Variants in CDH13 observed in about 807,000 individuals in gnomAD.
The protein encoded by CDH13 is cadherin-13.
Under a neutral mutation model 63.8 loss-of-function variants are expected in CDH13, and 24 were observed. The ratio of observed to expected loss-of-function variants is 0.38; its 90% CI spans 0.27 to 0.53. CDH13 has a LOEUF of 0.53. Ranked by LOEUF, CDH13 falls within the 20% of genes least tolerant of loss-of-function variation. The probability of loss-of-function intolerance (pLI) is 0.85; values close to 1 mark genes in which losing one functional copy is unlikely to be tolerated. For missense variants in CDH13, 1,049 were observed against 903.1 expected (o/e 1.16, Z -2.07); for synonymous variants, 503 against 355.3 (o/e 1.42, Z -4.67).
At chr16:83,483,680 G>C (rs948198422) in intron 6 of CDH13, among the ~76,000 whole-genome samples, 2 of 152,132 alleles carry the variant, frequency 1.3e-5, no homozygotes, top group African/African-American at 4.8e-5. Context: ...TGGGGTTAAG[G>C]CCTCCTCCTA....
At chr16:83,458,427 C>A (rs909469978) in intron 6 of CDH13, among the ~76,000 whole-genome samples, 3 of 152,176 alleles carry the variant, frequency 2.0e-5, no homozygotes, top group African/African-American at 7.2e-5. Context: ...TGTGTGTAGT[C>A]CTCTTATATT....
At chr16:82,835,250 G>A (rs2038715986) in intron 1 of CDH13, among the ~76,000 whole-genome samples, 1 of 152,150 alleles carries the variant, frequency 6.6e-6, no homozygotes, top group Non-Finnish European at 1.5e-5. Flanking sequence ...GGTTTAACAG[G>A]CACATGTGAC....
At chr16:83,111,901 A>C (rs1253718454) in intron 3 of CDH13, among the ~76,000 whole-genome samples, 1 of 152,182 alleles carries the variant, frequency 6.6e-6, no homozygotes, top group African/African-American at 2.4e-5. Flanking sequence ...GTTTTCCTGG[A>C]TCTCATGCAT....
rs189855910 is a variant in CDH13, at chr16:83,524,599, C to A, written c.960+37944C>A. On this transcript the variant is annotated intron_variant, in intron 7 of 13. Coordinates refer to ENST00000567109, the MANE Select transcript of CDH13 (RefSeq NM_001257.5). The stretch of plus-strand genomic sequence containing the variant: ...TCCCAAGTAGCTGGGACTACAGGCA[C>A]CTGCCACCACACCCAGCTAATTTTT... 6.7e-3 allele frequency among the ~76,000 whole-genome samples: 1,019 copies of A among 151,908 alleles called. 9 individuals are homozygous for A. The highest frequency in any genetic ancestry group is 0.017 in the South Asian group (82 of 4,804).
chr16:83,170,882 C>G (rs927419991), intron 4 of CDH13, among the ~76,000 whole-genome samples: 4 of 151,650 alleles, frequency 2.6e-5, no homozygotes, highest in Middle Eastern at 3.4e-3. Flanking sequence ...GAGAAGAGAT[C>G]CAGCATCAAT....
intron 2 of CDH13, among the ~76,000 whole-genome samples, chr16:82,911,123 G>A (rs2151263847): frequency 6.6e-6 from 1 of 152,326 alleles, no homozygotes; most frequent in East Asian, 1.9e-4. Flanking sequence ...AAGAAGGTCA[G>A]AACCAAACCA....
At chr16:83,737,313 G>A (rs1470097976) in intron 10 of CDH13, among the ~76,000 whole-genome samples, 1 of 152,118 alleles carries the variant, frequency 6.6e-6, no homozygotes, top group African/African-American at 2.4e-5. Flanking sequence ...GGTAAGTCTC[G>A]AAGTTTGACT....
chr16:83,241,736 C>T (rs533984725), intron 5 of CDH13, among the ~76,000 whole-genome samples: 1 of 152,062 alleles, frequency 6.6e-6, no homozygotes, highest in Non-Finnish European at 1.5e-5. Flanking sequence ...TGGATTTTAA[C>T]CCCTTATCCG....
rs886876614 is a variant in CDH13, at chr16:82,830,605, A to G, written c.46-27757A>G. Among the ~76,000 whole-genome samples, 5 of 152,188 alleles carry G rather than the reference A, an allele frequency of 3.3e-5. No homozygotes were observed. The East Asian group carries it at 9.6e-4, about 29-fold the overall frequency. On this transcript the variant is annotated intron_variant, in intron 1 of 13. Transcript: ENST00000567109. The stretch of plus-strand genomic sequence containing the variant: ...TCTCTTCTTTCCTCACACTCATCTT[A>G]TTTGTAATGACATTAATTTGTGTTC...
chr16:83,527,397 C>T (rs757606129), intron 7 of CDH13, among the ~76,000 whole-genome samples: 58 of 151,730 alleles, frequency 3.8e-4, no homozygotes, highest in Non-Finnish European at 5.0e-4. Flanking sequence ...TGCAGTGAGC[C>T]GAGATCTGGC....
chr16:83,082,492 G>C (rs1330816162), intron 3 of CDH13, among the ~76,000 whole-genome samples: 1 of 151,972 alleles, frequency 6.6e-6, no homozygotes, highest in East Asian at 1.9e-4. Flanking sequence ...AAATAGCCAG[G>C]TGTGGTGGTG....
chr16:83,109,078 G>T (rs2034933817), intron 3 of CDH13, among the ~76,000 whole-genome samples: 1 of 152,182 alleles, frequency 6.6e-6, no homozygotes, highest in Non-Finnish European at 1.5e-5. Context: ...CAGACTAAGA[G>T]TATTGAGGTC....
At chr16:83,099,614 G>T (rs894830295) in intron 3 of CDH13, among the ~76,000 whole-genome samples, 1 of 147,652 alleles carries the variant, frequency 6.8e-6, no homozygotes, top group African/African-American at 2.5e-5. Flanking sequence ...GTGAGCCACC[G>T]TGCCGGGCCT....
intron 10 of CDH13, among the ~76,000 whole-genome samples, chr16:83,724,860 G>A (rs975445291): frequency 6.6e-6 from 1 of 152,118 alleles, no homozygotes; most frequent in Non-Finnish European, 1.5e-5. Flanking sequence ...ATGGCCTTTG[G>A]GTACAACTCT....
intron 6 of CDH13, among the ~76,000 whole-genome samples, chr16:83,474,346 G>A (rs1044392344): frequency 3.3e-5 from 5 of 152,168 alleles, no homozygotes; most frequent in Non-Finnish European, 7.3e-5. Flanking sequence ...CTCAGATCAT[G>A]TAGCCAGTAA....
chr16:83,127,625 G>A (rs1377820818), intron 4 of CDH13, among the ~76,000 whole-genome samples: 1 of 152,170 alleles, frequency 6.6e-6, no homozygotes, highest in African/African-American at 2.4e-5. Context: ...TACTTGGGAA[G>A]CTGAGGCAAG....
intron 2 of CDH13, among the ~76,000 whole-genome samples, chr16:83,028,362 C>T (rs565895864): frequency 6.6e-6 from 1 of 152,296 alleles, no homozygotes; most frequent in East Asian, 1.9e-4. Flanking sequence ...TCCTGAGAGT[C>T]CACTTGTGTG....
intron 7 of CDH13, among the ~76,000 whole-genome samples, chr16:83,525,146 T>A (rs2151625116): frequency 6.6e-6 from 1 of 152,302 alleles, no homozygotes; most frequent in African/African-American, 2.4e-5. Flanking sequence ...CAGACTCCAG[T>A]TGGCTCTATC....
intron 1 of CDH13, among the ~76,000 whole-genome samples, chr16:82,731,002 T>C (rs1442467957): frequency 6.6e-6 from 1 of 152,244 alleles, no homozygotes; most frequent in Non-Finnish European, 1.5e-5. Context: ...TATTTAGTCC[T>C]ATTATTTATG....
Sources: gnomAD v4.1 joint callset for allele counts (sites outside exome capture counted in the v4.1 genomes callset) on GRCh38, gnomAD v4.1.1 for gene constraint, MANE v1.5 for transcripts, NCBI Gene and HGNC (gene_info 2026-07-23, HGNC 2026-07-21) for gene names.